EAF2: variants seen among roughly 807,000 people sequenced by gnomAD.
The protein encoded by EAF2 is ELL associated factor 2.
A neutral mutation model predicts 29.4 loss-of-function variants in EAF2; 29 were observed. The ratio of observed to expected loss-of-function variants is 0.99; its 90% CI spans 0.73 to 1.35. The LOEUF (loss-of-function observed/expected upper bound fraction) is 1.35. EAF2 is among the 40% of genes most tolerant of loss of function. The pLI is 0.00. For missense variants in EAF2, 292 were observed against 312.0 expected (o/e 0.94, Z 0.48); for synonymous variants, 103 against 102.5 (o/e 1.00, Z -0.03).
chr3:121,860,290 C>A (rs140354772), intron 4 of EAF2, among the ~76,000 whole-genome samples: 2 of 152,120 alleles, frequency 1.3e-5, no homozygotes, highest in Non-Finnish European at 1.5e-5. Flanking sequence ...GCTGTGAATC[C>A]GTCTGGTCCT....
At chr3:121,870,619 G>T (rs892633577) in intron 4 of EAF2, among the ~76,000 whole-genome samples, 1 of 152,052 alleles carries the variant, frequency 6.6e-6, no homozygotes, top group African/African-American at 2.4e-5. Context: ...ACAGACTTGG[G>T]GGAACCTGGA....
intron 4 of EAF2, among the ~76,000 whole-genome samples, chr3:121,861,246 A>T (rs1014427525): frequency 6.6e-6 from 1 of 152,170 alleles, no homozygotes; most frequent in East Asian, 1.9e-4. Context: ...TGTCTCATTG[A>T]TCTGTCTAAT....
intron 3 of EAF2, among the ~76,000 whole-genome samples, chr3:121,855,357 T>C (rs561014210): frequency 7.9e-5 from 12 of 152,258 alleles, no homozygotes; most frequent in Admixed American, 7.9e-4. Flanking sequence ...CTAAAAGCCA[T>C]GCAAATAGTA....
intron 2 of EAF2, among the ~76,000 whole-genome samples, chr3:121,854,427 C>T (rs1479680547): frequency 1.3e-5 from 2 of 151,984 alleles, no homozygotes; most frequent in African/African-American, 2.4e-5. Context: ...TCATTATAGG[C>T]CAAAGAAACA....
rs1708301423 is a variant in EAF2, at chr3:121,836,767, T to C, written c.106+1376T>C. The C allele has an allele frequency of 2.1e-5, 21 of 987,522 alleles. No homozygotes were observed. In the Middle Eastern group the frequency reaches 8.4e-4, roughly 40 times the overall value. The allele number at this position is 987,522 out of a possible 1,614,324, so 61.2% of individuals were successfully genotyped here. On this transcript the variant is annotated intron_variant, in intron 1 of 5. Coordinates refer to ENST00000273668, the MANE Select transcript of EAF2 (RefSeq NM_018456.6). ...CCATGCCTTTTTCTCAAATAGTATC[T>C]ACTCTCTCCTTTTCTCTTCCTTCTC...
intron 4 of EAF2, among the ~76,000 whole-genome samples, chr3:121,861,926 A>G (rs1576648547): frequency 6.6e-6 from 1 of 152,032 alleles, no homozygotes; most frequent in East Asian, 1.9e-4. Flanking sequence ...TCCTTCACTT[A>G]TGAAGCTTAG....
Position 121,886,352 on chromosome 3 carries a change from G to A in EAF2, c.747G>A (p.Leu249=). ...TCTTTCTTATTTTAGGAAATGATTTGCAGCTGAGTGAATCAGGAAGTGACA... is the reference window on the plus strand; with the variant it reads ...TCTTTCTTATTTTAGGAAATGATTTACAGCTGAGTGAATCAGGAAGTGACA... ...GLLMNTLRND[L]QLSESGSDSD... is the part of the protein sequence containing the mutation. The change falls in exon 6 of 6, where the codon TTG becomes TTA. Residue 249 remains leucine (L), a synonymous_variant. Transcript: ENST00000273668. 1 of 1,486,946 alleles carries A rather than the reference G, an allele frequency of 6.7e-7. No individual in the cohort carries two copies. Among genetic ancestry groups the A allele is most frequent in the Non-Finnish European group, 9.0e-7 (1 of 1,113,662 alleles). The allele number at this position is 1,486,946 out of a possible 1,614,324, so 92.1% of individuals were successfully genotyped here. A position where few individuals can be genotyped will look rare whatever the true frequency, so the allele number is the denominator to read the frequency against.
chr3:121,871,875 T>C (rs1022476639), intron 4 of EAF2, among the ~76,000 whole-genome samples: 2 of 151,994 alleles, frequency 1.3e-5, no homozygotes, highest in African/African-American at 2.4e-5. Context: ...CATTCCCTCA[T>C]TTATAAAATT....
intron 5 of EAF2, among the ~76,000 whole-genome samples, chr3:121,875,261 T>C (rs1440504969): frequency 1.3e-5 from 2 of 151,676 alleles, no homozygotes; most frequent in Admixed American, 1.3e-4. Context: ...AAATAGCCAA[T>C]TAATAAAAGA....
intron 5 of EAF2, among the ~76,000 whole-genome samples, chr3:121,882,161 C>A (rs1179431332): frequency 6.6e-6 from 1 of 151,832 alleles, no homozygotes; most frequent in Non-Finnish European, 1.5e-5. Context: ...CCAGCCTGAG[C>A]AACATGATGA....
chr3:121,855,031 G>T (rs1708695916), intron 3 of EAF2, among the ~76,000 whole-genome samples: 1 of 152,088 alleles, frequency 6.6e-6, no homozygotes, highest in South Asian at 2.1e-4. Context: ...AGCTTGTTTT[G>T]CTTCTAAATG....
intron 4 of EAF2, among the ~76,000 whole-genome samples, chr3:121,860,817 A>T (rs559049341): frequency 6.6e-6 from 1 of 152,196 alleles, no homozygotes; most frequent in East Asian, 1.9e-4. Flanking sequence ...TAGTGCTGTA[A>T]ATTTCCCTCT....
intron 4 of EAF2, among the ~76,000 whole-genome samples, chr3:121,858,765 A>G (rs1301106736): frequency 6.6e-6 from 1 of 152,132 alleles, no homozygotes; most frequent in African/African-American, 2.4e-5. Flanking sequence ...CCTGAATGGT[A>G]TTGCCTAGGT....
intron 1 of EAF2, among the ~76,000 whole-genome samples, chr3:121,835,768 G>C (rs1708262426): frequency 6.6e-6 from 1 of 152,176 alleles, no homozygotes; most frequent in Non-Finnish European, 1.5e-5. Context: ...GAACTTGAAT[G>C]CCTTGAGGCT....
intron 2 of EAF2, among the ~76,000 whole-genome samples, chr3:121,848,806 C>A (rs1235392797): frequency 6.6e-6 from 1 of 152,008 alleles, no homozygotes; most frequent in East Asian, 1.9e-4. Flanking sequence ...TGACTTTGTT[C>A]TTTGCTTCTT....
rs12632356 is a variant in EAF2, at chr3:121,863,505, C to T, written c.484+6349C>T. On this transcript the variant is annotated intron_variant, in intron 4 of 5. Coordinates refer to ENST00000273668, the MANE Select transcript of EAF2 (RefSeq NM_018456.6). ...GGCATGGGACCCTCCGAGCCAGGTG[C>T]GGGATATAATCACCTGGTGTGCCGT... Among the ~76,000 whole-genome samples the T allele has an allele frequency of 4.0e-3, 605 of 152,270 alleles. 24 individuals are homozygous for T. In the East Asian group the frequency reaches 0.092, roughly 23 times the overall value.
At chr3:121,866,919 T>G (rs1708937518) in intron 4 of EAF2, among the ~76,000 whole-genome samples, 1 of 152,046 alleles carries the variant, frequency 6.6e-6, no homozygotes, top group Admixed American at 6.6e-5. Flanking sequence ...AGTTATACAT[T>G]CCCTTGAAAC....
Position 121,886,499 on chromosome 3 carries a change from A to C in EAF2, c.*111A>C, listed in dbSNP as rs1008595059. The stretch of plus-strand genomic sequence containing the variant: ...ATATGTCTTAACTTTTGATGATAAA[A>C]GAAATTAAATTTGATTCAGAAATTT... On this transcript the variant is annotated 3_prime_UTR_variant, in exon 6 of 6. Transcript: ENST00000273668. The C allele has an allele frequency of 9.7e-6, 5 of 517,762 alleles. No homozygotes were observed. The highest frequency in any genetic ancestry group is 1.5e-5 in the Non-Finnish European group (5 of 329,722). 32.1% of individuals were successfully genotyped at this position (517,762 alleles called of 1,614,324 possible).
intron 4 of EAF2, among the ~76,000 whole-genome samples, chr3:121,858,453 T>G (rs1450814247): frequency 6.6e-6 from 1 of 152,266 alleles, no homozygotes; most frequent in Non-Finnish European, 1.5e-5. Flanking sequence ...GTCTGTTGGC[T>G]GCATAAATGT....
Sources: gnomAD v4.1 joint callset for allele counts (sites outside exome capture counted in the v4.1 genomes callset) on GRCh38, gnomAD v4.1.1 for gene constraint, MANE v1.5 for transcripts, NCBI Gene and HGNC (gene_info 2026-07-23, HGNC 2026-07-21) for gene names.